GABRA5: variants seen among roughly 807,000 people sequenced by gnomAD.
GABRA5 encodes gamma-aminobutyric acid type A receptor subunit alpha5, also known as gamma-aminobutyric acid receptor subunit alpha-5.
A neutral mutation model predicts 47.3 loss-of-function variants in GABRA5; 18 were observed. The observed-to-expected ratio is 0.38, with a 90% CI of 0.26 to 0.56. The LOEUF is 0.56. Ranked by LOEUF, GABRA5 falls within the 20% of genes least tolerant of loss-of-function variation. The pLI, the probability that GABRA5 is intolerant of heterozygous loss-of-function variation, is 0.71. For synonymous variants in GABRA5, 237 were observed against 229.3 expected (o/e 1.03, Z -0.30); for missense variants, 365 against 599.3 (o/e 0.61, Z 4.08).
At chr15:26,943,526 G>C in intron 10 of GABRA5, 100 bp downstream of exon 10, 1 of 1,066,344 alleles carries the variant, frequency 9.4e-7, no homozygotes, top group Non-Finnish European at 1.4e-6. Flanking sequence ...CTTCCTACCC[G>C]CCAGCCCCCG....
intron 8 of GABRA5, among the ~76,000 whole-genome samples, chr15:26,938,639 T>G (rs971764602): frequency 6.6e-6 from 1 of 152,204 alleles, no homozygotes; most frequent in African/African-American, 2.4e-5. Flanking sequence ...CCAGTAGAGA[T>G]CCAGTCCTTG....
chr15:26,948,001 C>G lies in GABRA5; in HGVS notation c.1157C>G (p.Pro386Arg), dbSNP rs1203561647. The G allele has an allele frequency of 1.3e-6, 2 of 1,599,888 alleles. No homozygotes were observed. The highest frequency in any genetic ancestry group is 1.3e-5 in the African/African-American group (1 of 74,698). ...ACAACTGGGAAGATGTCTCACCCCC[C>G]AAACATTCCGAAGGAACAGACCCCA... Reference protein sequence around the residue: ...AFTTGKMSHPPNIPKEQTPAG... With the variant: ...AFTTGKMSHPRNIPKEQTPAG... Residue 386 changes from proline (P) to arginine (R), a missense_variant, in exon 11 of 11, where the codon CCA becomes CGA. Around this residue, in one of 3 missense-constraint regions of GABRA5, gnomAD observed 106 missense variants for 130.3 expected, o/e 0.81. Coordinates refer to ENST00000335625, the MANE Select transcript of GABRA5 (RefSeq NM_000810.4).
At chr15:26,923,606 A>G (rs1893890684) in intron 7 of GABRA5, among the ~76,000 whole-genome samples, 1 of 152,094 alleles carries the variant, frequency 6.6e-6, no homozygotes, top group South Asian at 2.1e-4. Context: ...CTACACCAAT[A>G]GCCTTTCTGG....
chr15:26,895,432 G>A (rs1893159439), intron 6 of GABRA5, among the ~76,000 whole-genome samples: 2 of 152,022 alleles, frequency 1.3e-5, no homozygotes, highest in African/African-American at 2.4e-5. Flanking sequence ...TCCGAACTCC[G>A]TCACTAACAG....
chr15:26,920,949 T>C (rs1268452011), intron 7 of GABRA5, among the ~76,000 whole-genome samples: 1 of 152,234 alleles, frequency 6.6e-6, no homozygotes, highest in Non-Finnish European at 1.5e-5. Flanking sequence ...ATGTGAGTTT[T>C]CTTTAGCCAG....
At chr15:26,910,668 T>G (rs1250143189) in intron 6 of GABRA5, among the ~76,000 whole-genome samples, 1 of 152,098 alleles carries the variant, frequency 6.6e-6, no homozygotes, top group Non-Finnish European at 1.5e-5. Context: ...ACATTATGCT[T>G]CAGTAAGTGA....
Position 26,890,412 on chromosome 15 carries a change from T to C in GABRA5, c.497+6855T>C, listed in dbSNP as rs956836279. 4.0e-5 allele frequency among the ~76,000 whole-genome samples: 6 copies of C among 149,714 alleles called. 1 individual carries two copies. The South Asian group carries it at 1.3e-3, about 32-fold the overall frequency. On this transcript the variant is annotated intron_variant, in intron 6 of 10. Coordinates refer to ENST00000335625, the MANE Select transcript of GABRA5 (RefSeq NM_000810.4). ...GCATAACAGTTACTCATCTCAAGAT[T>C]TGTAGTCACTTCAATTTTTTTTTTT...
chr15:26,889,434 T>A (rs1369319362), intron 6 of GABRA5, among the ~76,000 whole-genome samples: 1 of 152,134 alleles, frequency 6.6e-6, no homozygotes, highest in Non-Finnish European at 1.5e-5. Context: ...TATAGCTAGC[T>A]GCAGTCTGTT....
At chr15:26,893,415 T>C (rs1458790519) in intron 6 of GABRA5, among the ~76,000 whole-genome samples, 1 of 112,786 alleles carries the variant, frequency 8.9e-6, no homozygotes, top group South Asian at 2.7e-4. Context: ...TTGTGTGTGT[T>C]GTGTGTGTAT....
At chr15:26,900,518 T>C (rs1428005335) in intron 6 of GABRA5, among the ~76,000 whole-genome samples, 1 of 152,176 alleles carries the variant, frequency 6.6e-6, no homozygotes, top group African/African-American at 2.4e-5. Flanking sequence ...CTCCCTCAGT[T>C]TTTAAAGAAT....
intron 6 of GABRA5, among the ~76,000 whole-genome samples, chr15:26,892,849 G>A (rs1323827894): frequency 6.6e-6 from 1 of 152,082 alleles, no homozygotes; most frequent in Non-Finnish European, 1.5e-5. Context: ...CAAGTTGTGC[G>A]GGGAGGATGG....
At chr15:26,921,719 G>A (rs1196306196) in intron 7 of GABRA5, among the ~76,000 whole-genome samples, 3 of 152,148 alleles carry the variant, frequency 2.0e-5, no homozygotes, top group Admixed American at 6.5e-5. Flanking sequence ...CCCTTCTAGT[G>A]TGCTCATTTA....
chr15:26,905,894 C>T (rs1349172399), intron 6 of GABRA5, among the ~76,000 whole-genome samples: 3 of 151,434 alleles, frequency 2.0e-5, no homozygotes, highest in Non-Finnish European at 4.4e-5. Context: ...CTCCAGGTTT[C>T]CTTTATTTTC....
At chr15:26,919,217 T>C (rs1208310643) in intron 7 of GABRA5, among the ~76,000 whole-genome samples, 1 of 152,208 alleles carries the variant, frequency 6.6e-6, no homozygotes, top group African/African-American at 2.4e-5. Context: ...TGTCTTTTGA[T>C]TGAGGAGTTT....
At chr15:26,869,393 A>G in intron 3 of GABRA5, 59 bp downstream of exon 3, 2 of 1,010,258 alleles carry the variant, frequency 2.0e-6, no homozygotes, top group South Asian at 1.3e-5. Context: ...CCTTTCAGAC[A>G]TGTTACGGGA....
chr15:26,930,857 C>G (rs1376972882), intron 7 of GABRA5, among the ~76,000 whole-genome samples: 1 of 147,836 alleles, frequency 6.8e-6, no homozygotes, highest in African/African-American at 2.5e-5. Flanking sequence ...TCTTTTTTTT[C>G]TTTCTCTTCT....
chr15:26,872,956 A>C (rs1892508744), intron 3 of GABRA5, among the ~76,000 whole-genome samples: 1 of 152,190 alleles, frequency 6.6e-6, no homozygotes, highest in Admixed American at 6.5e-5. Context: ...CATATTCTAA[A>C]TTTGATTGGA....
chr15:26,893,480 G>C (rs1395170179), intron 6 of GABRA5, among the ~76,000 whole-genome samples: 1 of 95,214 alleles, frequency 1.1e-5, no homozygotes, highest in African/African-American at 3.8e-5. Context: ...GAAGTTATGA[G>C]CAGGGCACGG....
At chr15:26,900,672 A>G (rs916292528) in intron 6 of GABRA5, among the ~76,000 whole-genome samples, 1 of 152,006 alleles carries the variant, frequency 6.6e-6, no homozygotes, top group African/African-American at 2.4e-5. Flanking sequence ...AGTGGCACAT[A>G]TGTTACAACT....
Sources: gnomAD v4.1 joint callset for allele counts (sites outside exome capture counted in the v4.1 genomes callset) on GRCh38, gnomAD v4.1.1 for gene constraint, gnomAD v4.1.1 regional missense constraint, MANE v1.5 for transcripts, NCBI Gene and HGNC (gene_info 2026-07-23, HGNC 2026-07-21) for gene names.